Variants in SYNE1 observed in about 807,000 individuals in gnomAD.
The protein encoded by SYNE1 is spectrin repeat containing nuclear envelope protein 1, also known as nesprin-1.
In SYNE1, 616 loss-of-function variants were observed where a neutral mutation model predicts 1,111.0. The observed-to-expected ratio is 0.55, with a 90% CI of 0.52 to 0.59. The LOEUF is 0.59. Among genes scored for constraint, SYNE1 ranks in the 20% least tolerant of loss-of-function variants. The pLI is 0.00. For synonymous variants in SYNE1, 3,855 were observed against 3,825.8 expected (o/e 1.01, Z -0.28); for missense variants, 10,006 against 10,417.0 (o/e 0.96, Z 1.72).
intron 42 of SYNE1, among the ~76,000 whole-genome samples, chr6:152,412,851 A>ATTTTTTT (rs373723820): frequency 0.039 from 5,059 of 131,314 alleles, 359 homozygotes; most frequent in African/African-American, 0.14. Flanking sequence ...TTCACATGTA[A>ATTTTTTT]TTTTTTTTTT....
At chr6:152,371,722 G>A (rs773434838) in intron 59 of SYNE1, among the ~76,000 whole-genome samples, 78 of 91,410 alleles carry the variant, frequency 8.5e-4, no homozygotes, top group Non-Finnish European at 1.3e-3. Flanking sequence ...GGGAAGGGAC[G>A]GGTAGGGAGA....
chr6:152,536,813 C>T (rs2127923752), intron 4 of SYNE1, among the ~76,000 whole-genome samples: 1 of 152,156 alleles, frequency 6.6e-6, no homozygotes, highest in South Asian at 2.1e-4. Context: ...TTCAGTCTAT[C>T]CATTTTTCTC....
At chr6:152,361,903 A>G (rs546387193) in intron 64 of SYNE1, among the ~76,000 whole-genome samples, 1 of 152,200 alleles carries the variant, frequency 6.6e-6, no homozygotes, top group South Asian at 2.1e-4. Context: ...ACATTAAAAG[A>G]TATTTCATGG....
At chr6:152,470,919 A>G (rs1215578214) in intron 16 of SYNE1, among the ~76,000 whole-genome samples, 1 of 152,216 alleles carries the variant, frequency 6.6e-6, no homozygotes, top group East Asian at 1.9e-4. Flanking sequence ...AGTATCTATA[A>G]TACACTAATT....
intron 100 of SYNE1, among the ~76,000 whole-genome samples, chr6:152,264,863 A>G (rs1349515141): frequency 1.3e-5 from 2 of 152,030 alleles, no homozygotes; most frequent in Non-Finnish European, 2.9e-5. Flanking sequence ...TAATGCAGAG[A>G]ATCTTTCCCA....
In SYNE1 at chr6:152,483,171, C is replaced by A; in HGVS notation, c.1264G>T (p.Glu422Ter). The change falls in exon 14 of 146, where the codon GAG becomes TAG. Residue 422 changes from glutamate (E) to a stop codon, truncating the protein, a stop_gained. Coordinates refer to ENST00000367255, the MANE Select transcript of SYNE1 (RefSeq NM_182961.4). LOFTEE classifies it high-confidence loss of function. ...GTIGAWLYRA[E>*]VALREEITVQ... ...GTTATTTCCTCTCTCAGGGCCACCT[C>A]CGCTCTGTACAGCCAGGCACCTATG... The A allele has an allele frequency of 6.2e-7, 1 of 1,614,176 alleles. No homozygotes were observed. The highest frequency in any genetic ancestry group is 8.5e-7 in the Non-Finnish European group (1 of 1,180,010).
At chr6:152,286,949 A>C (rs1399000812) in intron 95 of SYNE1, among the ~76,000 whole-genome samples, 1 of 152,236 alleles carries the variant, frequency 6.6e-6, no homozygotes, top group Non-Finnish European at 1.5e-5. Context: ...TTCTGTAAGA[A>C]TGCTACTCAA....
chr6:152,561,821 C>G (rs914447949), intron 3 of SYNE1, among the ~76,000 whole-genome samples: 1 of 152,084 alleles, frequency 6.6e-6, no homozygotes, highest in Non-Finnish European at 1.5e-5. Context: ...AAGACTGTCC[C>G]TTCAGGAAAT....
chr6:152,209,804 C>T (rs1402260995), intron 124 of SYNE1, among the ~76,000 whole-genome samples: 1 of 151,650 alleles, frequency 6.6e-6, no homozygotes, highest in Non-Finnish European at 1.5e-5. Flanking sequence ...TTGATGATGA[C>T]TTCTGTTTTT....
In SYNE1 at chr6:152,331,547, C is replaced by G. The variant is rs778823066; in HGVS notation, c.13138G>C (p.Ala4380Pro). The stretch of plus-strand genomic sequence containing the variant: ...AGGTGATCCATGAGAAGGTTCTGAG[C>G]CATATCTGGAGGAGGGCTCTGCTTA... ...ALKQSPPPDM[A>P]QNLLMDHLAI... Residue 4380 changes from alanine to proline, a missense_variant, in exon 78 of 146, where the codon GCT (alanine) becomes CCT (proline). Ala to Pro is a conservative substitution (Grantham distance 27, BLOSUM62 -1). This residue lies in a region of SYNE1 where 4,955 missense variants were observed against 5,017.2 expected (regional missense o/e 0.99). Transcript: ENST00000367255. The G allele has an allele frequency of 6.2e-7, 1 of 1,614,096 alleles. No homozygotes were observed. Among genetic ancestry groups the G allele is most frequent in the Non-Finnish European group, 8.5e-7 (1 of 1,180,016 alleles).
chr6:152,630,157 G>T (rs2099695540), intron 2 of SYNE1, among the ~76,000 whole-genome samples: 1 of 151,832 alleles, frequency 6.6e-6, no homozygotes, highest in African/African-American at 2.4e-5. Flanking sequence ...GCAAACCTTT[G>T]CACATTGCTG....
intron 11 of SYNE1, among the ~76,000 whole-genome samples, chr6:152,489,533 C>A (rs928006548): frequency 6.8e-6 from 1 of 146,748 alleles, no homozygotes; most frequent in African/African-American, 2.5e-5. Context: ...TAAATCATCA[C>A]GGACCCTTTC....
chr6:152,360,643 T>A (rs950041786), intron 64 of SYNE1, among the ~76,000 whole-genome samples: 5 of 152,216 alleles, frequency 3.3e-5, no homozygotes, highest in African/African-American at 1.2e-4. Context: ...CTGTTTTTAC[T>A]GCTAGAATCG....
At chr6:152,170,200 A>C (rs2064836888) in intron 130 of SYNE1, among the ~76,000 whole-genome samples, 1 of 152,212 alleles carries the variant, frequency 6.6e-6, no homozygotes, top group South Asian at 2.1e-4. Flanking sequence ...AATATGAGAC[A>C]AGGCAAAGCT....
intron 3 of SYNE1, among the ~76,000 whole-genome samples, chr6:152,606,976 C>CT (rs11387272): frequency 0.019 from 2,096 of 109,092 alleles, 124 homozygotes; most frequent in East Asian, 0.035. Flanking sequence ...TGCCTCGGTT[C>CT]TCTTTTTTTT....
chr6:152,204,575 C>T (rs948281322), intron 126 of SYNE1, among the ~76,000 whole-genome samples: 11 of 151,912 alleles, frequency 7.2e-5, no homozygotes, highest in African/African-American at 2.7e-4. Context: ...TAAAATGAGG[C>T]TATATAAACA....
intron 2 of SYNE1, among the ~76,000 whole-genome samples, chr6:152,633,486 G>A (rs1456232974): frequency 6.6e-6 from 1 of 152,142 alleles, no homozygotes; most frequent in African/African-American, 2.4e-5. Context: ...AACAAAGGAG[G>A]GCAAGTATTG....
intron 115 of SYNE1, among the ~76,000 whole-genome samples, chr6:152,228,121 G>C (rs2082014077): frequency 6.6e-6 from 1 of 151,998 alleles, no homozygotes; most frequent in Non-Finnish European, 1.5e-5. Flanking sequence ...TCACACTTTG[G>C]TCCAAAAAAC....
At chr6:152,304,497 G>C (rs538431189) in intron 91 of SYNE1, among the ~76,000 whole-genome samples, 5 of 152,102 alleles carry the variant, frequency 3.3e-5, no homozygotes, top group Non-Finnish European at 7.4e-5. Context: ...ACCATGCCCA[G>C]CTAATTTTTG....
Sources: gnomAD v4.1 joint callset for allele counts (sites outside exome capture counted in the v4.1 genomes callset) on GRCh38, gnomAD v4.1.1 for gene constraint, gnomAD v4.1.1 regional missense constraint, MANE v1.5 for transcripts, NCBI Gene and HGNC (gene_info 2026-07-23, HGNC 2026-07-21) for gene names.